Variants in LDB3 observed in about 807,000 individuals in gnomAD.
The protein encoded by LDB3 is LIM domain-binding protein 3.
In LDB3, 49 loss-of-function variants were observed where a neutral mutation model predicts 69.0. The observed-to-expected ratio is 0.71, with a 90% CI of 0.56 to 0.90. LDB3 has a LOEUF of 0.90. Ranked by LOEUF, LDB3 falls within the 40% of genes least tolerant of loss-of-function variation. The pLI, the probability that LDB3 is intolerant of heterozygous loss-of-function variation, is 0.00. For synonymous variants in LDB3, 387 were observed against 396.2 expected (o/e 0.98, Z 0.28); for missense variants, 928 against 974.1 (o/e 0.95, Z 0.63).
chr10:86,670,760 T>C (rs12569813), intron 2 of LDB3, among the ~76,000 whole-genome samples: 40,028 of 152,218 alleles, frequency 0.26, 5,854 homozygotes, highest in South Asian at 0.42. Flanking sequence ...GGGCATGATA[T>C]GGCCTCTCGG....
intron 5 of LDB3, among the ~76,000 whole-genome samples, chr10:86,686,248 C>T (rs1247007880): frequency 6.6e-6 from 1 of 152,188 alleles, no homozygotes; most frequent in African/African-American, 2.4e-5. Flanking sequence ...AGCCCTGGGC[C>T]ACCAAGGGGG....
rs368005648 is a variant in LDB3, at chr10:86,720,328, C to T, written c.1978+1481C>T. Among the ~76,000 whole-genome samples the T allele has an allele frequency of 2.0e-5, 3 of 152,178 alleles. 1 individual carries two copies. The highest frequency in any genetic ancestry group is 4.8e-5 in the African/African-American group (2 of 41,500). ...GCATGATGGCGGGCGTCTGTAATCCCAGCTACTCGGGAGGCTGAGGTTGAA... is the reference window on the plus strand; with the variant it reads ...GCATGATGGCGGGCGTCTGTAATCCTAGCTACTCGGGAGGCTGAGGTTGAA... On this transcript the variant is annotated intron_variant, in intron 12 of 13. Coordinates refer to ENST00000361373, the MANE Select transcript of LDB3 (RefSeq NM_007078.3).
Position 86,679,287 on chromosome 10 carries a change from G to A in LDB3, c.94-80G>A, listed in dbSNP as rs547487931. On this transcript the variant is annotated intron_variant, in intron 2 of 13. Transcript: ENST00000361373. ...ATGACGGCTTCTGTTGAATACTCCC[G>A]GGTGACTCTTCCCCAAGGACTGGCC... The A allele has an allele frequency of 1.9e-5, 30 of 1,544,260 alleles. No individual in the cohort carries two copies. The East Asian group carries it at 2.2e-4, about 12-fold the overall frequency.
chr10:86,709,896 T>C lies in LDB3; in HGVS notation c.1086-9T>C. The C allele has an allele frequency of 6.2e-7, 1 of 1,608,830 alleles. No homozygotes were observed. ...CTTCTGGGTGTAACCCCTCCCCGCT[T>C]GGTTCCAGGCCCCAGGCCTCTTCCT... On this transcript the variant is annotated splice_polypyrimidine_tract_variant and intron_variant, in intron 8 of 13. Transcript: ENST00000361373.
intron 9 of LDB3, among the ~76,000 whole-genome samples, chr10:86,715,007 T>C (rs1041387287): frequency 9.2e-5 from 14 of 152,176 alleles, no homozygotes; most frequent in Admixed American, 7.9e-4. Flanking sequence ...CACCCAGCTC[T>C]GAAGGGTGGG....
chr10:86,691,825 A>C (rs1272602487), intron 5 of LDB3, 71 bp from the exon 6 acceptor site: 1 of 1,563,198 alleles, frequency 6.4e-7, no homozygotes, highest in Non-Finnish European at 8.8e-7. Flanking sequence ...ATGGGCATGG[A>C]GCAGGGACCC....
chr10:86,685,985 G>A (rs890022715), intron 5 of LDB3, among the ~76,000 whole-genome samples: 5 of 152,108 alleles, frequency 3.3e-5, no homozygotes, highest in Non-Finnish European at 5.9e-5. Flanking sequence ...GGTGGCGGGC[G>A]CAGGGGGAGG....
At chr10:86,667,453 G>A (rs531630756), upstream of LDB3, among the ~76,000 whole-genome samples, 52 of 152,320 alleles carry the variant, frequency 3.4e-4, no homozygotes, top group African/African-American at 8.9e-4. Flanking sequence ...CCCAAAGACC[G>A]CACTGGCAGA....
In LDB3 at chr10:86,679,433, G is replaced by A. The variant is rs201786090; in HGVS notation, c.160G>A (p.Gly54Ser). Residue 54 changes from glycine to serine, a missense_variant, in exon 3 of 14, where the codon GGC becomes AGC. By Grantham distance (56) the Gly-to-Ser change is moderately conservative. Coordinates refer to ENST00000361373, the MANE Select transcript of LDB3 (RefSeq NM_007078.3). ...GGGTGACCTCGTGGTGGCCATTGACGGCGTCAACACAGACACCATGACCCA... is the reference window on the plus strand; with the variant it reads ...GGGTGACCTCGTGGTGGCCATTGACAGCGTCAACACAGACACCATGACCCA... The part of the protein sequence containing the change: ...SQGDLVVAID[G>S]VNTDTMTHLE... 86 of 1,614,112 alleles carry A rather than the reference G, an allele frequency of 5.3e-5. No individual in the cohort carries two copies. Among genetic ancestry groups the A allele is most frequent in the East Asian group, 6.7e-5 (3 of 44,882 alleles).
Position 86,687,144 on chromosome 10 carries a change from G to C in LDB3, c.690-4752G>C. ...TGTCCACCCACAAGCCCATCGAGGTGAAGGGGCTGGGCGGCAAGGCCACCA... is the reference window on the plus strand; with the variant it reads ...TGTCCACCCACAAGCCCATCGAGGTCAAGGGGCTGGGCGGCAAGGCCACCA... On this transcript the variant is annotated intron_variant, in intron 5 of 13. Coordinates refer to ENST00000361373, the MANE Select transcript of LDB3 (RefSeq NM_007078.3). 6.2e-7 allele frequency: 1 copy of C among 1,614,226 alleles called. No homozygotes were observed. Among genetic ancestry groups the C allele is most frequent in the African/African-American group, 1.3e-5 (1 of 75,062 alleles).
chr10:86,708,176 C>G (rs1846514639), intron 8 of LDB3, among the ~76,000 whole-genome samples: 1 of 152,244 alleles, frequency 6.6e-6, no homozygotes, highest in Non-Finnish European at 1.5e-5. Flanking sequence ...GGGGAGTCCT[C>G]CCTTCCTTCC....
intron 5 of LDB3, among the ~76,000 whole-genome samples, chr10:86,690,420 C>T (rs541628620): frequency 2.0e-4 from 30 of 152,374 alleles, no homozygotes; most frequent in Non-Finnish European, 3.2e-4. Context: ...CCTCCCTGGC[C>T]GGACCCTAGA....
At chr10:86,704,236 T>A (rs1846362699) in intron 7 of LDB3, among the ~76,000 whole-genome samples, 1 of 151,990 alleles carries the variant, frequency 6.6e-6, no homozygotes. Context: ...CAAGCACACA[T>A]GGAAGTTTGC....
In LDB3 at chr10:86,690,296, C is replaced by T. The variant is rs192104562; in HGVS notation, c.690-1600C>T. Among the ~76,000 whole-genome samples the T allele has an allele frequency of 3.3e-5, 5 of 152,320 alleles. No homozygotes were observed. In the East Asian group the frequency reaches 7.7e-4, roughly 24 times the overall value. Reference sequence around the variant, plus strand: ...GAGACCTGGTTGTGCCTTCCTGTTGCCCATCTCACCCAGACCTTAGGAACG... The same window carrying T: ...GAGACCTGGTTGTGCCTTCCTGTTGTCCATCTCACCCAGACCTTAGGAACG... On this transcript the variant is annotated intron_variant, in intron 5 of 13. Transcript: ENST00000361373.
chr10:86,728,593 T>TTTTGTTTTTTA (rs1847350021), intron 13 of LDB3, among the ~76,000 whole-genome samples: 1 of 149,764 alleles, frequency 6.7e-6, no homozygotes, highest in African/African-American at 2.4e-5. Context: ...TTTGTTTTTT[T>TTTTGTTTTTTA]TTTTTTTTGA....
intron 8 of LDB3, among the ~76,000 whole-genome samples, chr10:86,707,416 C>T (rs562519918): frequency 1.6e-4 from 24 of 152,022 alleles, no homozygotes; most frequent in African/African-American, 5.1e-4. Flanking sequence ...ATATGAAGGA[C>T]ACAAGTATTG....
rs45467594 is a variant in LDB3, at chr10:86,679,577, G to A, written c.245+59G>A. 7.0e-6 allele frequency: 11 copies of A among 1,577,886 alleles called. No homozygotes were observed. In the African/African-American group the frequency reaches 1.5e-4, roughly 21 times the overall value. On this transcript the variant is annotated intron_variant, in intron 3 of 13. Transcript: ENST00000361373. ...GTTTGGGTGTGGGCATGGGGCAGGG[G>A]CCAAAAGAGGGATTGTCCCATAGCA... is the stretch of plus-strand genomic sequence containing the variant.
At chr10:86,727,140 C>G (rs893709710) in intron 13 of LDB3, among the ~76,000 whole-genome samples, 10 of 151,886 alleles carry the variant, frequency 6.6e-5, no homozygotes, top group Non-Finnish European at 1.3e-4. Context: ...TCTGCTTTAG[C>G]CTCCTGAGTA....
chr10:86,729,528 ACT>A (rs1193646884), intron 13 of LDB3, among the ~76,000 whole-genome samples: 1 of 152,148 alleles, frequency 6.6e-6, no homozygotes, highest in Admixed American at 6.5e-5. Context: ...TATTACCCTA[ACT>A]CTGCTGGGAC....
Sources: gnomAD v4.1 joint callset for allele counts (sites outside exome capture counted in the v4.1 genomes callset) on GRCh38, gnomAD v4.1.1 for gene constraint, MANE v1.5 for transcripts, NCBI Gene and HGNC (gene_info 2026-07-23, HGNC 2026-07-21) for gene names.